The following PLCB1 variants were observed in gnomAD, a reference collection of about 807,000 sequenced individuals.
The protein encoded by PLCB1 is 1-phosphatidylinositol 4,5-bisphosphate phosphodiesterase beta-1.
In PLCB1, 46 loss-of-function variants were observed where a neutral mutation model predicts 161.8. The ratio of observed to expected loss-of-function variants is 0.28; its 90% CI spans 0.22 to 0.36. The LOEUF (loss-of-function observed/expected upper bound fraction) is 0.36, where lower values mean the gene tolerates loss of function less well. Among genes scored for constraint, PLCB1 ranks in the 10% least tolerant of loss-of-function variants. The probability of loss-of-function intolerance (pLI) is 1.00; values close to 1 mark genes in which losing one functional copy is unlikely to be tolerated. For missense variants in PLCB1, 1,016 were observed against 1,472.5 expected, an observed-to-expected ratio of 0.69 and a Z score of 5.07; for synonymous variants, 517 against 503.7, an observed-to-expected ratio of 1.03 and a Z score of -0.35.
chr20:8,541,342 T>C (rs887392470), intron 3 of PLCB1, among the ~76,000 whole-genome samples: 1 of 152,138 alleles, frequency 6.6e-6, no homozygotes, highest in African/African-American at 2.4e-5. Flanking sequence ...TTGAAAGCCT[T>C]GGAGCAGATG....
At chr20:8,210,975 A>G (rs1978793414) in intron 2 of PLCB1, among the ~76,000 whole-genome samples, 2 of 152,252 alleles carry the variant, frequency 1.3e-5, no homozygotes, top group South Asian at 2.1e-4. Context: ...GGATGGATGC[A>G]TGCATTCTCA....
At chr20:8,562,826 C>G (rs1468846952) in intron 3 of PLCB1, among the ~76,000 whole-genome samples, 1 of 151,822 alleles carries the variant, frequency 6.6e-6, no homozygotes, top group Non-Finnish European at 1.5e-5. Flanking sequence ...AAATTACTAC[C>G]TTTGGTGATA....
At chr20:8,783,631 C>A (rs1392072047) in intron 27 of PLCB1, among the ~76,000 whole-genome samples, 1 of 152,040 alleles carries the variant, frequency 6.6e-6, no homozygotes, top group Admixed American at 6.6e-5. Flanking sequence ...AGGGTATATA[C>A]TAGAAAAGTA....
intron 20 of PLCB1, among the ~76,000 whole-genome samples, 194 bp from the exon 21 acceptor site, chr20:8,739,067 G>T (rs1022540359): frequency 2.0e-5 from 3 of 152,172 alleles, no homozygotes; most frequent in African/African-American, 7.2e-5. Flanking sequence ...CAGGAGAATG[G>T]CTTGAACCCA....
chr20:8,816,175 A>G (rs1187543785), intron 31 of PLCB1, among the ~76,000 whole-genome samples: 4 of 152,182 alleles, frequency 2.6e-5, no homozygotes, highest in East Asian at 1.9e-4. Flanking sequence ...ACAGGATCCC[A>G]TCTGAGAGGG....
intron 31 of PLCB1, among the ~76,000 whole-genome samples, chr20:8,841,117 T>C (rs1347425389): frequency 2.0e-5 from 3 of 152,200 alleles, no homozygotes; most frequent in African/African-American, 7.2e-5. Flanking sequence ...GGATTATAGC[T>C]GTGAGCCACT....
At chr20:8,309,634 A>G (rs905400222) in intron 2 of PLCB1, among the ~76,000 whole-genome samples, 1 of 152,218 alleles carries the variant, frequency 6.6e-6, no homozygotes, top group African/African-American at 2.4e-5. Context: ...TCAGAATCAA[A>G]GGGAGCAGCT....
At chr20:8,725,791 G>A (rs1979902557) in intron 16 of PLCB1, among the ~76,000 whole-genome samples, 1 of 152,088 alleles carries the variant, frequency 6.6e-6, no homozygotes, top group African/African-American at 2.4e-5. Flanking sequence ...GTAGCCAAGT[G>A]TGAGAAAGAG....
At chr20:8,195,249 T>C (rs922306509) in intron 2 of PLCB1, among the ~76,000 whole-genome samples, 2 of 152,002 alleles carry the variant, frequency 1.3e-5, no homozygotes, top group African/African-American at 4.8e-5. Context: ...TCAGAAGATA[T>C]AGCAGTTTGT....
chr20:8,536,046 T>C (rs1453647553), intron 3 of PLCB1, among the ~76,000 whole-genome samples: 2 of 152,070 alleles, frequency 1.3e-5, no homozygotes, highest in South Asian at 2.1e-4. Flanking sequence ...TAAACTTGAT[T>C]TCCCTTTGAC....
chr20:8,330,813 G>A (rs1231686011), intron 2 of PLCB1, among the ~76,000 whole-genome samples: 1 of 152,176 alleles, frequency 6.6e-6, no homozygotes, highest in African/African-American at 2.4e-5. Context: ...TACAACATTA[G>A]CATCTACATC....
Position 8,369,199 on chromosome 20 carries a change from C to T in PLCB1, c.178-2183C>T, listed in dbSNP as rs953367367. Among the ~76,000 whole-genome samples, 4 of 152,168 alleles carry T rather than the reference C, an allele frequency of 2.6e-5. No homozygotes were observed. In the East Asian group the frequency reaches 7.7e-4, roughly 29 times the overall value. On this transcript the variant is annotated intron_variant, in intron 2 of 31. Transcript: ENST00000338037. The stretch of plus-strand genomic sequence containing the variant: ...TATCATTTTGCCCAAACTTCTGAGT[C>T]TCAGTGTAGGAAAGGTGGAAACTGC...
At chr20:8,628,180 A>T in intron 3 of PLCB1, 114 bp from the exon 4 acceptor site, 1 of 834,864 alleles carries the variant, frequency 1.2e-6, no homozygotes, top group Non-Finnish European at 1.9e-6. Context: ...ATTTTCTAGT[A>T]AGAATAAAAG....
At chr20:8,807,925 G>A (rs902690915) in intron 31 of PLCB1, among the ~76,000 whole-genome samples, 1 of 152,118 alleles carries the variant, frequency 6.6e-6, no homozygotes, top group African/African-American at 2.4e-5. Context: ...ATTGCACTGG[G>A]ACAAAAGACT....
chr20:8,813,719 T>C (rs976031288), intron 31 of PLCB1, among the ~76,000 whole-genome samples: 8 of 152,070 alleles, frequency 5.3e-5, no homozygotes, highest in African/African-American at 1.9e-4. Flanking sequence ...TAGTCCCAGC[T>C]ACTGAGGAGG....
intron 3 of PLCB1, among the ~76,000 whole-genome samples, chr20:8,395,770 G>A (rs1309661076): frequency 6.6e-6 from 1 of 151,760 alleles, no homozygotes; most frequent in Non-Finnish European, 1.5e-5. Context: ...ATACTGTAGA[G>A]CATTTGAAAT....
At chr20:8,481,159 T>C (rs1411960374) in intron 3 of PLCB1, among the ~76,000 whole-genome samples, 8 of 149,728 alleles carry the variant, frequency 5.3e-5, no homozygotes, top group African/African-American at 2.0e-4. Context: ...TACATTTTCA[T>C]TTAAAAAGTT....
At chr20:8,185,405 A>T (rs1405322572) in intron 2 of PLCB1, among the ~76,000 whole-genome samples, 2 of 152,132 alleles carry the variant, frequency 1.3e-5, no homozygotes, top group African/African-American at 4.8e-5. Flanking sequence ...ACAGTGAAAT[A>T]TTTTTCAGCT....
At chr20:8,662,196 A>C (rs867554094) in intron 9 of PLCB1, among the ~76,000 whole-genome samples, 1,332 of 60,474 alleles carry the variant, frequency 0.022, 47 homozygotes, top group Non-Finnish European at 0.03. Context: ...TATTTATTAT[A>C]TAATTCTATA....
Sources: gnomAD v4.1 joint callset for allele counts (sites outside exome capture counted in the v4.1 genomes callset) on GRCh38, gnomAD v4.1.1 for gene constraint, MANE v1.5 for transcripts, NCBI Gene and HGNC (gene_info 2026-07-23, HGNC 2026-07-21) for gene names.